ARHGAP15: variants seen among roughly 807,000 people sequenced by gnomAD.
ARHGAP15 encodes the protein Rho GTPase activating protein 15.
Under a neutral mutation model 63.7 loss-of-function variants are expected in ARHGAP15, and 51 were observed. The ratio of observed to expected loss-of-function variants is 0.80; its 90% CI spans 0.64 to 1.01. The LOEUF is 1.01. Ranked by LOEUF, ARHGAP15 falls within the 50% of genes least tolerant of loss-of-function variation. The probability of loss-of-function intolerance (pLI) is 0.00; values close to 1 mark genes in which losing one functional copy is unlikely to be tolerated. For synonymous variants in ARHGAP15, 191 were observed against 193.8 expected (o/e 0.99, Z 0.12); for missense variants, 560 against 564.6 (o/e 0.99, Z 0.08).
chr2:143,714,751 CTT>C (rs1225840784), intron 13 of ARHGAP15, among the ~76,000 whole-genome samples: 1 of 152,236 alleles, frequency 6.6e-6, no homozygotes, highest in African/African-American at 2.4e-5. Flanking sequence ...CCACCAGTCT[CTT>C]TGCCAAAACA....
intron 12 of ARHGAP15, among the ~76,000 whole-genome samples, chr2:143,672,932 T>C (rs1482047175): frequency 6.6e-6 from 1 of 152,130 alleles, no homozygotes; most frequent in Non-Finnish European, 1.5e-5. Context: ...TATTTACTTC[T>C]CTCCATAATA....
chr2:143,216,704 A>T (rs915792999), intron 4 of ARHGAP15, among the ~76,000 whole-genome samples: 1 of 152,226 alleles, frequency 6.6e-6, no homozygotes, highest in Non-Finnish European at 1.5e-5. Context: ...AACACTGAAA[A>T]TAAATAAGAC....
intron 6 of ARHGAP15, among the ~76,000 whole-genome samples, chr2:143,318,719 T>C (rs562550857): frequency 6.6e-6 from 1 of 152,186 alleles, no homozygotes; most frequent in Non-Finnish European, 1.5e-5. Context: ...TGATGAGGGT[T>C]AAATGACATA....
chr2:143,721,952 C>A (rs1449148788), intron 13 of ARHGAP15, among the ~76,000 whole-genome samples: 1 of 152,184 alleles, frequency 6.6e-6, no homozygotes. Context: ...CTCGGCCTCC[C>A]AAAGTGCTGG....
chr2:143,487,336 A>T (rs1201244886), intron 8 of ARHGAP15, 37 bp from the exon 9 acceptor site: 1 of 1,582,374 alleles, frequency 6.3e-7, no homozygotes. Context: ...ATAAAGGAGA[A>T]ATTTACCAAA....
intron 6 of ARHGAP15, among the ~76,000 whole-genome samples, chr2:143,372,372 G>C (rs572509578): frequency 8.8e-4 from 106 of 119,804 alleles, no homozygotes; most frequent in African/African-American, 3.0e-3. Flanking sequence ...AAAAAAAAAA[G>C]GACCCAGAGA....
chr2:143,301,412 G>A (rs1682890034), intron 6 of ARHGAP15, among the ~76,000 whole-genome samples: 2 of 151,812 alleles, frequency 1.3e-5, no homozygotes, highest in Non-Finnish European at 2.9e-5. Flanking sequence ...TTTCTTAAAG[G>A]TGACAAAAGC....
intron 6 of ARHGAP15, among the ~76,000 whole-genome samples, chr2:143,400,691 C>T (rs1687952986): frequency 6.6e-6 from 1 of 151,920 alleles, no homozygotes; most frequent in South Asian, 2.1e-4. Context: ...GTGCTGTCTA[C>T]CTTTAACTTA....
chr2:143,149,140 G>C (rs1689713111), intron 1 of ARHGAP15, among the ~76,000 whole-genome samples: 1 of 152,000 alleles, frequency 6.6e-6, no homozygotes, highest in Non-Finnish European at 1.5e-5. Flanking sequence ...GTTGTCATGA[G>C]CTCTTAGCAG....
chr2:143,317,563 A>T (rs1683776743), intron 6 of ARHGAP15, among the ~76,000 whole-genome samples: 1 of 152,248 alleles, frequency 6.6e-6, no homozygotes, highest in Admixed American at 6.5e-5. Context: ...TTTAGGGCTG[A>T]AATATCTAGA....
chr2:143,616,372 A>C (rs2731553), intron 11 of ARHGAP15, among the ~76,000 whole-genome samples: 38,780 of 152,042 alleles, frequency 0.26, 5,445 homozygotes, highest in East Asian at 0.57. Context: ...GCTCCTAACT[A>C]GCTTCCTGTA....
At chr2:143,592,135 ATCC>A (rs1697345661) in intron 11 of ARHGAP15, among the ~76,000 whole-genome samples, 2 of 152,118 alleles carry the variant, frequency 1.3e-5, no homozygotes, top group Non-Finnish European at 1.5e-5. Flanking sequence ...ATCCTAATAT[ATCC>A]TCATTTGTTT....
chr2:143,216,480 A>G (rs1205419065), intron 4 of ARHGAP15, 35 bp downstream of exon 4: 3 of 1,463,716 alleles, frequency 2.0e-6, no homozygotes, highest in East Asian at 2.3e-5. Context: ...TTATATAACT[A>G]TGCTGGTTCT....
intron 13 of ARHGAP15, among the ~76,000 whole-genome samples, chr2:143,762,738 T>G (rs974012531): frequency 3.9e-5 from 6 of 152,210 alleles, no homozygotes; most frequent in African/African-American, 1.4e-4. Flanking sequence ...GAGCCTTTAT[T>G]ATGCTTTTAT....
intron 5 of ARHGAP15, among the ~76,000 whole-genome samples, chr2:143,233,525 C>T (rs992470156): frequency 1.9e-4 from 29 of 151,962 alleles, no homozygotes; most frequent in African/African-American, 7.0e-4. Context: ...TGTTTTTCTA[C>T]AGTTTCATCA....
intron 8 of ARHGAP15, among the ~76,000 whole-genome samples, chr2:143,472,848 G>T (rs1268846726): frequency 2.0e-5 from 3 of 152,162 alleles, no homozygotes; most frequent in African/African-American, 7.2e-5. Context: ...TGAGGAGACT[G>T]GGCTCCAGGG....
chr2:143,138,432 T>C lies in ARHGAP15; in HGVS notation c.-15+8966T>C, dbSNP rs577178456. 6.6e-5 allele frequency among the ~76,000 whole-genome samples: 10 copies of C among 152,230 alleles called. No homozygotes were observed. In the East Asian group the frequency reaches 1.9e-3, roughly 29 times the overall value. ...TTAGCAGTTAAGCAATGCTGAACTT[T>C]ATTCATGAGGCCCTAGAGTCTAAAA... is the stretch of plus-strand genomic sequence containing the variant. On this transcript the variant is annotated intron_variant, in intron 1 of 13. Coordinates refer to ENST00000295095, the MANE Select transcript of ARHGAP15 (RefSeq NM_018460.4).
chr2:143,170,043 C>A (rs1357764110), intron 2 of ARHGAP15, among the ~76,000 whole-genome samples: 1 of 151,912 alleles, frequency 6.6e-6, no homozygotes, highest in Non-Finnish European at 1.5e-5. Flanking sequence ...TGGCTCTGTA[C>A]CTTCGAGCTG....
intron 8 of ARHGAP15, among the ~76,000 whole-genome samples, chr2:143,482,725 T>C (rs1229622877): frequency 6.6e-6 from 1 of 152,230 alleles, no homozygotes; most frequent in African/African-American, 2.4e-5. Flanking sequence ...CTTTTACGGC[T>C]GTTTACAGGG....
Sources: gnomAD v4.1 joint callset for allele counts (sites outside exome capture counted in the v4.1 genomes callset) on GRCh38, gnomAD v4.1.1 for gene constraint, MANE v1.5 for transcripts, NCBI Gene and HGNC (gene_info 2026-07-23, HGNC 2026-07-21) for gene names.